The following PCDHGA1 variants were observed in gnomAD, a reference collection of about 807,000 sequenced individuals.
The protein encoded by PCDHGA1 is protocadherin gamma subfamily A, 1.
In PCDHGA1, 32 loss-of-function variants were observed where a neutral mutation model predicts 58.0. The observed-to-expected ratio is 0.55, with a 90% CI of 0.42 to 0.74. PCDHGA1 has a LOEUF of 0.74. Among genes scored for constraint, PCDHGA1 ranks in the 30% least tolerant of loss-of-function variants. The pLI is 0.00. For missense variants in PCDHGA1, 1,205 were observed against 1,182.3 expected, an observed-to-expected ratio of 1.02 and a Z score of -0.28; for synonymous variants, 498 against 501.1, an observed-to-expected ratio of 0.99 and a Z score of 0.08.
chr5:141,405,176 G>A (rs917679696), intron 1 of PCDHGA1: 3 of 1,614,068 alleles, frequency 1.9e-6, no homozygotes, highest in Non-Finnish European at 2.5e-6. Context: ...ACACTTTGTG[G>A]GTGTAGATGG....
In PCDHGA1 at chr5:141,404,188, A is replaced by C. The variant is rs1001365354; in HGVS notation, c.2421+71083A>C. On this transcript the variant is annotated intron_variant, in intron 1 of 3. Transcript: ENST00000517417. Reference sequence around the variant, plus strand: ...TGTTGACGGCCCAAATTCTTGACCGAGAAAAAGCCTCAGAATATAATATCA... The same window carrying C: ...TGTTGACGGCCCAAATTCTTGACCGCGAAAAAGCCTCAGAATATAATATCA... 3.7e-6 allele frequency: 6 copies of C among 1,613,398 alleles called. No individual in the cohort carries two copies. The African/African-American group carries it at 5.3e-5, about 14-fold the overall frequency.
At chr5:141,447,283 G>T (rs1194678678) in intron 1 of PCDHGA1, among the ~76,000 whole-genome samples, 1 of 152,122 alleles carries the variant, frequency 6.6e-6, no homozygotes, top group East Asian at 1.9e-4. Context: ...GGGACTACAG[G>T]CACATGCCAC....
chr5:141,408,263 C>G, intron 1 of PCDHGA1: 1 of 1,606,854 alleles, frequency 6.2e-7, no homozygotes. Flanking sequence ...ATTTCCTTTG[C>G]TGCTGCCTTT....
At chr5:141,419,290 T>C (rs1160812369) in intron 1 of PCDHGA1, 1 of 1,613,914 alleles carries the variant, frequency 6.2e-7, no homozygotes, top group African/African-American at 1.3e-5. Context: ...TCAGTGCCTC[T>C]GACCCAGACT....
intron 1 of PCDHGA1, among the ~76,000 whole-genome samples, chr5:141,467,951 A>G (rs2099155044): frequency 6.6e-6 from 1 of 151,944 alleles, no homozygotes; most frequent in East Asian, 1.9e-4. Context: ...GAGCCACCAC[A>G]CCCGGCTGCC....
chr5:141,414,690 G>A (rs377704657), intron 1 of PCDHGA1: 53 of 1,613,888 alleles, frequency 3.3e-5, no homozygotes, highest in Middle Eastern at 1.6e-4. Flanking sequence ...GGGTACCTCT[G>A]TCCTCATACA....
At chr5:141,417,556 A>C (rs1240389709) in intron 1 of PCDHGA1, 1 of 333,096 alleles carries the variant, frequency 3.0e-6, no homozygotes, top group Non-Finnish European at 5.4e-6. Context: ...TGAAAGAGGT[A>C]GAGAAAAGTC....
intron 1 of PCDHGA1, chr5:141,404,217 T>C (rs1188874623): frequency 6.2e-7 from 1 of 1,613,588 alleles, no homozygotes; most frequent in Non-Finnish European, 8.5e-7. Context: ...AATATCACGG[T>C]GACTGCAACA....
At chr5:141,475,934 G>T in intron 1 of PCDHGA1, 1 of 665,236 alleles carries the variant, frequency 1.5e-6, no homozygotes, top group Non-Finnish European at 2.5e-6. Context: ...TCGGGCCCCT[G>T]CCCGTCCCCT....
chr5:141,389,658 G>T (rs750579245), intron 1 of PCDHGA1: 17 of 1,612,424 alleles, frequency 1.1e-5, no homozygotes, highest in Non-Finnish European at 8.5e-7. Flanking sequence ...GGTAGTGGCG[G>T]TGGACGCAGA....
chr5:141,485,245 G>C lies in PCDHGA1; in HGVS notation c.2422-9562G>C. 1 of 1,614,188 alleles carries C rather than the reference G, an allele frequency of 6.2e-7. No individual in the cohort carries two copies. Among genetic ancestry groups the C allele is most frequent in the Non-Finnish European group, 8.5e-7 (1 of 1,180,008 alleles). On this transcript the variant is annotated intron_variant, in intron 1 of 3. Coordinates refer to ENST00000517417, the MANE Select transcript of PCDHGA1 (RefSeq NM_018912.3). This position sits in a 1 kb window ranked among gnomAD's most constrained non-coding sequence, Gnocchi z 5.7. The stretch of plus-strand genomic sequence containing the variant: ...CCCTTTTGTTCCTCTTTTACCACCT[G>C]GGTTACGTTTGTGGGCAGATCCGCT...
chr5:141,444,475 A>C (rs572738630), intron 1 of PCDHGA1, among the ~76,000 whole-genome samples: 2 of 152,110 alleles, frequency 1.3e-5, no homozygotes, highest in East Asian at 3.9e-4. Context: ...CCGGTCGCGT[A>C]CTGGATTTAT....
chr5:141,421,541 T>A (rs1235004908), intron 1 of PCDHGA1: 9 of 1,613,912 alleles, frequency 5.6e-6, no homozygotes, highest in African/African-American at 1.3e-5. Flanking sequence ...TCCTGTTTTT[T>A]AAATATGGAA....
intron 1 of PCDHGA1, chr5:141,418,549 C>T: frequency 6.2e-7 from 1 of 1,614,024 alleles, no homozygotes; most frequent in Non-Finnish European, 8.5e-7. Context: ...AGATAAGAAT[C>T]CTGGTAATAG....
Position 141,493,435 on chromosome 5 carries a change from G to T in PCDHGA1, c.2422-1372G>T, listed in dbSNP as rs150678406. On this transcript the variant is annotated intron_variant, in intron 1 of 3. Coordinates refer to ENST00000517417, the MANE Select transcript of PCDHGA1 (RefSeq NM_018912.3). The surrounding 1 kb of genome is among the most constrained non-coding windows in gnomAD (Gnocchi z 4.3). ...TGGGATTTTGCTTCTGCTGGGATGG[G>T]GCAAGGGTGGGGTTCCTTCCCTTTT... Among the ~76,000 whole-genome samples the T allele has an allele frequency of 6.6e-5, 10 of 152,294 alleles. No individual in the cohort carries two copies. In the East Asian group the frequency reaches 1.7e-3, roughly 26 times the overall value.
intron 1 of PCDHGA1, chr5:141,420,003 T>C: frequency 6.2e-7 from 1 of 1,614,100 alleles, no homozygotes; most frequent in Non-Finnish European, 8.5e-7. Flanking sequence ...GCTCTACGCC[T>C]GCGACAGTCT....
rs374202401 is a variant in PCDHGA1, at chr5:141,360,323, C to A, written c.2421+27218C>A. 3.1e-6 allele frequency: 5 copies of A among 1,613,798 alleles called. No homozygotes were observed. In the African/African-American group the frequency reaches 6.7e-5, roughly 22 times the overall value. ...GGGCTCAGCGTCCGGGACTTGCCAGCCCGGAAGCTGCGGGTTAGCGCGGAG... is the reference window on the plus strand; with the variant it reads ...GGGCTCAGCGTCCGGGACTTGCCAGACCGGAAGCTGCGGGTTAGCGCGGAG... On this transcript the variant is annotated intron_variant, in intron 1 of 3. Transcript: ENST00000517417.
intron 1 of PCDHGA1, chr5:141,377,472 TG>T (rs1191503778): frequency 6.6e-6 from 1 of 152,084 alleles, no homozygotes; most frequent in Non-Finnish European, 1.5e-5. Flanking sequence ...GGCGTACACC[TG>T]TAGTCCCAGC....
chr5:141,446,222 G>C (rs74509878), intron 1 of PCDHGA1, among the ~76,000 whole-genome samples: 7,034 of 152,204 alleles, frequency 0.046, 244 homozygotes, highest in African/African-American at 0.093. Flanking sequence ...ATATTGTTGT[G>C]TTGCCTGGCA....
Sources: allele counts gnomAD v4.1 joint callset (sites outside exome capture counted in the v4.1 genomes callset), GRCh38; gene constraint gnomAD v4.1.1; non-coding constraint Gnocchi (gnomAD v3.1); transcripts MANE v1.5; gene names NCBI Gene and HGNC (gene_info 2026-07-23, HGNC 2026-07-21).